PRKG1: variants seen among roughly 807,000 people sequenced by gnomAD.
PRKG1 encodes protein kinase cGMP-dependent 1, also known as cGMP-dependent protein kinase 1.
A neutral mutation model predicts 88.1 loss-of-function variants in PRKG1; 35 were observed. That is an observed-to-expected ratio of 0.40 (90% confidence interval 0.30 to 0.53). PRKG1 has a LOEUF of 0.53. Among genes scored for constraint, PRKG1 ranks in the 20% least tolerant of loss-of-function variants. The pLI is 0.59. For synonymous variants in PRKG1, 303 were observed against 292.5 expected (o/e 1.04, Z -0.37); for missense variants, 540 against 839.8 (o/e 0.64, Z 4.41).
chr10:51,353,211 A>G (rs1480652980), intron 2 of PRKG1, among the ~76,000 whole-genome samples: 1 of 152,168 alleles, frequency 6.6e-6, no homozygotes, highest in Non-Finnish European at 1.5e-5. Flanking sequence ...AACACTGGGG[A>G]AACTCTCTAG....
chr10:51,566,241 A>G (rs1837600481), intron 3 of PRKG1, among the ~76,000 whole-genome samples: 1 of 152,108 alleles, frequency 6.6e-6, no homozygotes, highest in Admixed American at 6.6e-5. Flanking sequence ...AAGTTAGAAC[A>G]GAACATAGAG....
chr10:51,777,814 G>A (rs1474918239), intron 3 of PRKG1, among the ~76,000 whole-genome samples: 1 of 151,950 alleles, frequency 6.6e-6, no homozygotes, highest in East Asian at 1.9e-4. Context: ...TGTCTCTATA[G>A]TTTTGCCTTT....
chr10:51,762,001 A>G (rs1259937507), intron 3 of PRKG1, among the ~76,000 whole-genome samples: 1 of 152,198 alleles, frequency 6.6e-6, no homozygotes, highest in Non-Finnish European at 1.5e-5. Flanking sequence ...ACCCCCAAAT[A>G]GTATTAAACT....
At chr10:51,422,887 T>C (rs1219457702) in intron 2 of PRKG1, among the ~76,000 whole-genome samples, 1 of 152,008 alleles carries the variant, frequency 6.6e-6, no homozygotes, top group Non-Finnish European at 1.5e-5. Flanking sequence ...ACACTGCTTC[T>C]GGTTTGAGGG....
intron 3 of PRKG1, among the ~76,000 whole-genome samples, chr10:51,643,226 T>C (rs1839842267): frequency 2.0e-5 from 3 of 152,200 alleles, no homozygotes; most frequent in Admixed American, 2.0e-4. Flanking sequence ...TCCAACTGTA[T>C]GTTTCTACAT....
At chr10:51,744,972 G>C (rs890236389) in intron 3 of PRKG1, among the ~76,000 whole-genome samples, 1 of 152,128 alleles carries the variant, frequency 6.6e-6, no homozygotes, top group Non-Finnish European at 1.5e-5. Flanking sequence ...TGAGGGAACA[G>C]TATGTTTATA....
chr10:51,370,689 A>G (rs1258438490), intron 2 of PRKG1, among the ~76,000 whole-genome samples: 1 of 152,166 alleles, frequency 6.6e-6, no homozygotes, highest in Non-Finnish European at 1.5e-5. Flanking sequence ...AAAAAAAGGT[A>G]AAATTAATTT....
chr10:51,481,002 T>A (rs1220358087), intron 3 of PRKG1, among the ~76,000 whole-genome samples: 1 of 152,018 alleles, frequency 6.6e-6, no homozygotes, highest in Non-Finnish European at 1.5e-5. Context: ...AAACAAAATA[T>A]GAGCCATACA....
intron 3 of PRKG1, among the ~76,000 whole-genome samples, chr10:51,570,714 G>A (rs1837730832): frequency 6.6e-6 from 1 of 151,532 alleles, no homozygotes; most frequent in African/African-American, 2.4e-5. Flanking sequence ...AAATCCCTAA[G>A]TATCCTGAAA....
chr10:51,467,974 G>A, intron 3 of PRKG1, 138 bp downstream of exon 3: 2 of 719,868 alleles, frequency 2.8e-6, no homozygotes, highest in Non-Finnish European at 4.8e-6. Flanking sequence ...CAATATAGCT[G>A]ATGTATTTGT....
At chr10:51,775,495 A>T (rs986453363) in intron 3 of PRKG1, among the ~76,000 whole-genome samples, 1 of 152,132 alleles carries the variant, frequency 6.6e-6, no homozygotes, top group Non-Finnish European at 1.5e-5. Flanking sequence ...AGACTTGCAC[A>T]AATCTGAGTA....
intron 9 of PRKG1, among the ~76,000 whole-genome samples, chr10:52,200,337 C>T (rs761107107): frequency 8.5e-5 from 13 of 152,054 alleles, no homozygotes; most frequent in Non-Finnish European, 1.6e-4. Flanking sequence ...TGCCTTAGTT[C>T]GCTTAGGATA....
chr10:51,738,577 G>A (rs1241359072), intron 3 of PRKG1, among the ~76,000 whole-genome samples: 2 of 152,138 alleles, frequency 1.3e-5, no homozygotes, highest in Non-Finnish European at 2.9e-5. Context: ...TGGATGGAAG[G>A]GAATGGGAGG....
intron 2 of PRKG1, chr10:51,244,750 C>G (rs1197340997): frequency 6.6e-6 from 1 of 151,942 alleles, no homozygotes; most frequent in African/African-American, 2.4e-5. Flanking sequence ...GAGATTGATA[C>G]CTTGTCATAA....
intron 2 of PRKG1, among the ~76,000 whole-genome samples, chr10:51,331,532 A>G (rs1251603995): frequency 6.6e-6 from 1 of 152,128 alleles, no homozygotes; most frequent in Non-Finnish European, 1.5e-5. Flanking sequence ...CTCCAAGTAG[A>G]TGGCATTTCT....
chr10:51,846,677 A>C (rs16924047), intron 4 of PRKG1, among the ~76,000 whole-genome samples: 13,964 of 152,192 alleles, frequency 0.092, 674 homozygotes, highest in Middle Eastern at 0.12. Flanking sequence ...AGAAAATGTC[A>C]ATGCCGGTGC....
intron 3 of PRKG1, among the ~76,000 whole-genome samples, chr10:51,497,474 C>T (rs1292107492): frequency 6.6e-6 from 1 of 152,170 alleles, no homozygotes; most frequent in Non-Finnish European, 1.5e-5. Flanking sequence ...AAAAATCAGA[C>T]TATTTAATGT....
chr10:52,149,137 T>G (rs764508370), intron 8 of PRKG1, among the ~76,000 whole-genome samples: 18 of 151,712 alleles, frequency 1.2e-4, no homozygotes, highest in Non-Finnish European at 2.4e-4. Flanking sequence ...GGAGACTTGT[T>G]TTAGAAAAAA....
intron 2 of PRKG1, among the ~76,000 whole-genome samples, chr10:51,465,260 A>T (rs987260620): frequency 2.7e-5 from 4 of 149,876 alleles, no homozygotes; most frequent in East Asian, 1.9e-4. Context: ...CTCCTTCTTT[A>T]AAAAAAAACT....
Sources: gnomAD v4.1 joint callset for allele counts (sites outside exome capture counted in the v4.1 genomes callset) on GRCh38, gnomAD v4.1.1 for gene constraint, MANE v1.5 for transcripts, NCBI Gene and HGNC (gene_info 2026-07-23, HGNC 2026-07-21) for gene names.